The following NRXN3 variants were observed in gnomAD, a reference collection of about 807,000 sequenced individuals.
The protein encoded by NRXN3 is neurexin 3.
Under a neutral mutation model 137.6 loss-of-function variants are expected in NRXN3, and 32 were observed. That is an observed-to-expected ratio of 0.23 (90% CI 0.18 to 0.31). NRXN3 has a LOEUF of 0.31. Ranked by LOEUF, NRXN3 falls within the 10% of genes least tolerant of loss-of-function variation. NRXN3 has a pLI of 1.00. For missense variants in NRXN3, 1,574 were observed against 2,062.5 expected, an observed-to-expected ratio of 0.76 and a Z score of 4.59; for synonymous variants, 798 against 784.5, an observed-to-expected ratio of 1.02 and a Z score of -0.29.
intron 15 of NRXN3, among the ~76,000 whole-genome samples, chr14:79,284,343 CATAT>C (rs60596302): frequency 0.077 from 4,989 of 64,870 alleles, 147 homozygotes; most frequent in East Asian, 0.18. Flanking sequence ...ACTAAAAATA[CATAT>C]ATATATATAT....
chr14:78,618,657 C>G (rs767759219), intron 4 of NRXN3, among the ~76,000 whole-genome samples: 110 of 152,202 alleles, frequency 7.2e-4, no homozygotes, highest in Non-Finnish European at 9.6e-4. Flanking sequence ...CGAGCTTCCT[C>G]CATGTGTTCT....
chr14:78,870,331 A>G (rs1245264082), intron 10 of NRXN3, among the ~76,000 whole-genome samples: 1 of 152,190 alleles, frequency 6.6e-6, no homozygotes, highest in African/African-American at 2.4e-5. Flanking sequence ...TGATTATAAG[A>G]ATAACATGGA....
In NRXN3 at chr14:79,556,804, G is replaced by T. The variant is rs145673397; in HGVS notation, c.3444+89402G>T. ...CTTCTGGGCTCAAGCAGTCCTCCTG[G>T]CTTGGCCTCCTAAAGTTCTGGGATT... On this transcript the variant is annotated intron_variant, in intron 16 of 20. Coordinates refer to ENST00000335750, the MANE Select transcript of NRXN3 (RefSeq NM_001330195.2). Among the ~76,000 whole-genome samples, 414 of 152,208 alleles carry T rather than the reference G, an allele frequency of 2.7e-3. 1 individual carries two copies. The highest frequency in any genetic ancestry group is 9.5e-3 in the African/African-American group (393 of 41,544).
At chr14:78,225,971 G>A (rs1438141679) in intron 1 of NRXN3, among the ~76,000 whole-genome samples, 3 of 111,552 alleles carry the variant, frequency 2.7e-5, no homozygotes, top group Non-Finnish European at 5.2e-5. Flanking sequence ...GTGTGTGTGT[G>A]TTGGTGTGTG....
At chr14:79,177,439 G>A (rs2062459796) in intron 15 of NRXN3, among the ~76,000 whole-genome samples, 1 of 152,120 alleles carries the variant, frequency 6.6e-6, no homozygotes, top group South Asian at 2.1e-4. Context: ...CTCTAAATGT[G>A]GGGAATGCTG....
chr14:79,530,127 C>T (rs2097156522), intron 16 of NRXN3, among the ~76,000 whole-genome samples: 1 of 152,206 alleles, frequency 6.6e-6, no homozygotes, highest in South Asian at 2.1e-4. Flanking sequence ...GTTTTATTAG[C>T]ACCTCTGAGT....
In NRXN3 at chr14:79,852,872, A is replaced by C. The variant is rs556435490; in HGVS notation, c.4094-8470A>C. ...AGTGCTTTTTATATTATATATATCT[A>C]TATATATATATCAATGTGTTTCTTT... is the stretch of plus-strand genomic sequence containing the variant. On this transcript the variant is annotated intron_variant, in intron 20 of 20. Transcript: ENST00000335750. 7.3e-5 allele frequency among the ~76,000 whole-genome samples: 11 copies of C among 150,702 alleles called. No individual in the cohort carries two copies. The East Asian group carries it at 2.1e-3, about 29-fold the overall frequency.
At chr14:79,547,621 T>A (rs113750566) in intron 16 of NRXN3, among the ~76,000 whole-genome samples, 4 of 152,248 alleles carry the variant, frequency 2.6e-5, no homozygotes, top group African/African-American at 9.6e-5. Flanking sequence ...GAGGCCAGTT[T>A]TACTGCATGC....
At chr14:78,787,175 T>C (rs571858248) in intron 8 of NRXN3, among the ~76,000 whole-genome samples, 1 of 152,286 alleles carries the variant, frequency 6.6e-6, no homozygotes, top group South Asian at 2.1e-4. Flanking sequence ...TTGTAAGTTG[T>C]ATGTATAGAA....
At position 78,764,869 on chromosome 14, in the gene NRXN3, A is replaced by C. The variant is rs192972969; in HGVS notation, c.2045-38751A>C. Reference sequence around the variant, plus strand: ...GGCTCCCTGATCAGTCTATTTGGCTAAGAGACAAATGTGCCAACCTCCCCA... The same window carrying C: ...GGCTCCCTGATCAGTCTATTTGGCTCAGAGACAAATGTGCCAACCTCCCCA... On this transcript the variant is annotated intron_variant, in intron 8 of 20. Transcript: ENST00000335750. 5.9e-5 allele frequency among the ~76,000 whole-genome samples: 9 copies of C among 152,320 alleles called. 1 individual carries two copies. Among genetic ancestry groups the C allele is most frequent in the Non-Finnish European group, 1.3e-4 (9 of 68,032 alleles).
intron 10 of NRXN3, among the ~76,000 whole-genome samples, chr14:78,872,811 CAG>C (rs1384546400): frequency 6.6e-6 from 1 of 152,068 alleles, no homozygotes; most frequent in Non-Finnish European, 1.5e-5. Flanking sequence ...ATCTTCATAA[CAG>C]AGGAGAAAAG....
Position 79,861,886 on chromosome 14 carries a change from G to A in NRXN3, c.4638G>A (p.Thr1546=), listed in dbSNP as rs1417043829. The part of the protein sequence containing the change: ...YISNSAQSNG[T]LMKEKQQSSK... ...GCAACTCCGCCCAGAGCAACGGCAC[G>A]CTCATGAAGGAGAAGCAGCAGAGCT... Residue 1546 remains threonine (T), a synonymous_variant, in exon 21 of 21, where the codon ACG becomes ACA. Coordinates refer to ENST00000335750, the MANE Select transcript of NRXN3 (RefSeq NM_001330195.2). The surrounding 1 kb of genome is among the most constrained non-coding windows in gnomAD (Gnocchi z 5.4). The A allele has an allele frequency of 1.9e-6, 3 of 1,614,026 alleles. No individual in the cohort carries two copies. Among genetic ancestry groups the A allele is most frequent in the Non-Finnish European group, 2.5e-6 (3 of 1,179,974 alleles).
At chr14:78,748,247 T>C (rs2098622387) in intron 8 of NRXN3, among the ~76,000 whole-genome samples, 1 of 152,132 alleles carries the variant, frequency 6.6e-6, no homozygotes, top group Non-Finnish European at 1.5e-5. Flanking sequence ...AGGTCACCTA[T>C]GTATAAAGTG....
chr14:78,898,021 A>G (rs74503629), intron 10 of NRXN3, among the ~76,000 whole-genome samples: 6,254 of 152,018 alleles, frequency 0.041, 317 homozygotes, highest in African/African-American at 0.13. Context: ...TTTATGTAGC[A>G]ATGTGACCAG....
In NRXN3 at chr14:78,759,436, A is replaced by T. The variant is rs567758490; in HGVS notation, c.2045-44184A>T. On this transcript the variant is annotated intron_variant, in intron 8 of 20. Transcript: ENST00000335750. ...CACTGGGGCTTGATGAAGTTAAATA[A>T]CTTACCCAGATATAACCATTGTAAG... 9.2e-5 allele frequency among the ~76,000 whole-genome samples: 14 copies of T among 152,296 alleles called. No individual in the cohort carries two copies. The South Asian group carries it at 2.9e-3, about 32-fold the overall frequency.
chr14:78,344,510 G>A (rs2082488337), intron 4 of NRXN3, among the ~76,000 whole-genome samples: 1 of 152,204 alleles, frequency 6.6e-6, no homozygotes, highest in African/African-American at 2.4e-5. Flanking sequence ...CAGCTGAGCA[G>A]GCATCCTCCC....
chr14:78,697,602 A>G (rs146643800), intron 6 of NRXN3, among the ~76,000 whole-genome samples: 110 of 152,102 alleles, frequency 7.2e-4, no homozygotes, highest in Middle Eastern at 6.8e-3. Context: ...AGGTAATGCA[A>G]ACTCATAGGT....
chr14:78,920,332 A>G (rs1284815687), intron 10 of NRXN3, among the ~76,000 whole-genome samples: 1 of 152,236 alleles, frequency 6.6e-6, no homozygotes, highest in Non-Finnish European at 1.5e-5. Flanking sequence ...TCAAATATCA[A>G]AAAAGTGGGA....
At chr14:79,007,805 CAAAAAAAA>C (rs1160867331) in intron 15 of NRXN3, among the ~76,000 whole-genome samples, 1 of 37,992 alleles carries the variant, frequency 2.6e-5, no homozygotes, top group Non-Finnish European at 6.0e-5. Flanking sequence ...GACTCCATCT[CAAAAAAAA>C]AAAAAAAAAA....
Sources: allele counts gnomAD v4.1 joint callset (sites outside exome capture counted in the v4.1 genomes callset), GRCh38; gene constraint gnomAD v4.1.1; non-coding constraint Gnocchi (gnomAD v3.1); transcripts MANE v1.5; gene names NCBI Gene and HGNC (gene_info 2026-07-23, HGNC 2026-07-21).